The following TENM1 variants were observed in gnomAD, a reference collection of about 807,000 sequenced individuals.
TENM1 encodes teneurin-1.
Under a neutral mutation model 174.8 loss-of-function variants are expected in TENM1, and 35 were observed. That is an observed-to-expected ratio of 0.20 (90% CI 0.15 to 0.27). TENM1 has a LOEUF of 0.27. Among genes scored for constraint, TENM1 ranks in the 10% least tolerant of loss-of-function variants. The pLI is 1.00. For synonymous variants in TENM1, 781 were observed against 798.7 expected (o/e 0.98, Z 0.37); for missense variants, 1,633 against 2,130.1 (o/e 0.77, Z 4.59).
rs187686320 is a variant in TENM1, at chrX:124,933,133, T to C, written c.217+30404A>G. On this transcript the variant is annotated intron_variant, in intron 1 of 31. Coordinates refer to ENST00000422452, the Ensembl canonical transcript of TENM1. ...CAACTTTTGATTATTCATGTGGTTGTAGTAGAGAAAATTAACCTCTGCTTT... is the reference window on the plus strand; with the variant it reads ...CAACTTTTGATTATTCATGTGGTTGCAGTAGAGAAAATTAACCTCTGCTTT... 2.5e-3 allele frequency among the ~76,000 whole-genome samples: 278 copies of C among 112,253 alleles called. 2 individuals are homozygous for C. The highest frequency in any genetic ancestry group is 8.8e-3 in the African/African-American group (272 of 30,938).
At chrX:124,986,327 T>G in the TENM1 span, among the ~76,000 whole-genome samples, 1 of 111,617 alleles carries the variant, frequency 9.0e-6, no homozygotes, top group South Asian at 3.8e-4. Context: ...GCTACTTTCA[T>G]ATAACAATTA....
the TENM1 span, among the ~76,000 whole-genome samples, chrX:125,138,076 C>G: frequency 2.7e-5 from 3 of 111,005 alleles, no homozygotes; most frequent in African/African-American, 9.8e-5. Flanking sequence ...CACCCCTCCC[C>G]TATAGGTCTT....
chrX:124,499,486 G>A (rs1037294617), intron 19 of TENM1, among the ~76,000 whole-genome samples: 1 of 111,870 alleles, frequency 8.9e-6, no homozygotes. Flanking sequence ...AGGAGCAGCT[G>A]TGAGTTTATG....
At chrX:124,621,576 T>A (rs757475447) in intron 11 of TENM1, among the ~76,000 whole-genome samples, 16 of 112,468 alleles carry the variant, frequency 1.4e-4, no homozygotes, top group African/African-American at 4.2e-4. Flanking sequence ...TACTTTTATA[T>A]AATATTTTAA....
At chrX:124,514,523 C>A (rs1264147838) in intron 18 of TENM1, among the ~76,000 whole-genome samples, 1 of 110,766 alleles carries the variant, frequency 9.0e-6, no homozygotes, top group Non-Finnish European at 1.9e-5. Flanking sequence ...GGGGATGCTA[C>A]CACTGACTCC....
At chrX:124,679,351 G>T (rs1402418552) in intron 5 of TENM1, among the ~76,000 whole-genome samples, 2 of 111,682 alleles carry the variant, frequency 1.8e-5, no homozygotes, top group African/African-American at 6.5e-5. Context: ...CTACAGATCT[G>T]CTTGTATGTT....
rs113698731 is a variant in TENM1 at position 124,464,633 on chromosome X, T to C, written c.3950-11142A>G. 7.6e-4 allele frequency among the ~76,000 whole-genome samples: 85 copies of C among 111,753 alleles called. 1 individual carries two copies. The highest frequency in any genetic ancestry group is 2.7e-3 in the African/African-American group (83 of 30,766). On this transcript the variant is annotated intron_variant, in intron 22 of 31. Transcript: ENST00000422452. ...GAATACACATTTTAAACCTTTTAAG[T>C]GGAGGTTCAAGAGACGTTTGGGAGA... is the stretch of plus-strand genomic sequence containing the variant.
intron 27 of TENM1, among the ~76,000 whole-genome samples, chrX:124,398,642 A>C (rs867154578): frequency 2.8e-5 from 3 of 107,813 alleles, no homozygotes; most frequent in Admixed American, 9.9e-5. Flanking sequence ...CTTTTTTTTT[A>C]TTTTTTGGTG....
At chrX:125,058,122 C>T in the TENM1 span, among the ~76,000 whole-genome samples, 2 of 111,641 alleles carry the variant, frequency 1.8e-5, no homozygotes, top group African/African-American at 6.5e-5. Flanking sequence ...GGCTAATTTT[C>T]TTAATGTTTG....
At position 124,926,069 on chromosome X, in the gene TENM1, G is replaced by A. The variant is rs562722849; in HGVS notation, c.218-29828C>T. The stretch of plus-strand genomic sequence containing the variant: ...TTCAATTTTTAAAGTGTTAGTATCT[G>A]TGGAACATATAGGGTACATGGGATG... On this transcript the variant is annotated intron_variant, in intron 1 of 31. Coordinates refer to ENST00000422452, the Ensembl canonical transcript of TENM1. 1.9e-4 allele frequency among the ~76,000 whole-genome samples: 21 copies of A among 112,591 alleles called. No homozygotes were observed. The South Asian group carries it at 3.7e-3, about 20-fold the overall frequency.
intron 1 of TENM1, among the ~76,000 whole-genome samples, chrX:124,926,048 A>C (rs1430972393): frequency 8.9e-6 from 1 of 112,475 alleles, no homozygotes; most frequent in Non-Finnish European, 1.9e-5. Flanking sequence ...AACTAATTCA[A>C]TTTTTAAAGT....
At chrX:125,136,384 A>G in the TENM1 span, among the ~76,000 whole-genome samples, 78 of 111,912 alleles carry the variant, frequency 7.0e-4, 1 homozygote, top group East Asian at 0.018. Context: ...TTATTTTGAT[A>G]TATACTTTCA....
intron 3 of TENM1, among the ~76,000 whole-genome samples, chrX:124,855,621 G>A (rs1191299731): frequency 1.8e-5 from 2 of 111,229 alleles, no homozygotes; most frequent in Non-Finnish European, 3.8e-5. Context: ...CATTGTGTGT[G>A]GTTATTGCTT....
intron 3 of TENM1, among the ~76,000 whole-genome samples, chrX:124,794,373 T>C (rs1222426760): frequency 1.8e-5 from 2 of 111,845 alleles, no homozygotes; most frequent in Non-Finnish European, 3.8e-5. Context: ...ATTTTCACTA[T>C]GCCCTTTTGC....
chrX:125,057,387 T>C, the TENM1 span, among the ~76,000 whole-genome samples: 1 of 100,479 alleles, frequency 1.0e-5, no homozygotes, highest in East Asian at 2.9e-4. Context: ...CATTACTGTA[T>C]GTATTACTTT....
chrX:124,583,772 A>C (rs1429369227), intron 11 of TENM1, among the ~76,000 whole-genome samples: 2 of 110,785 alleles, frequency 1.8e-5, no homozygotes, highest in Non-Finnish European at 3.8e-5. Flanking sequence ...AAAGGCAAAG[A>C]AGTTGAAAAC....
At chrX:124,843,425 C>T (rs2056543344) in intron 3 of TENM1, among the ~76,000 whole-genome samples, 1 of 110,759 alleles carries the variant, frequency 9.0e-6, no homozygotes, top group Non-Finnish European at 1.9e-5. Flanking sequence ...GTGCTGCTTG[C>T]CACTCTATTC....
chrX:124,874,288 T>C (rs1450306617), intron 3 of TENM1, among the ~76,000 whole-genome samples: 1 of 111,725 alleles, frequency 9.0e-6, no homozygotes, highest in Admixed American at 9.5e-5. Context: ...ATTTTAATTA[T>C]TGCCAATATT....
intron 1 of TENM1, among the ~76,000 whole-genome samples, chrX:124,959,455 T>C (rs952615267): frequency 4.5e-5 from 5 of 111,444 alleles, no homozygotes; most frequent in Admixed American, 9.6e-5. Flanking sequence ...TCATGGATGA[T>C]AGATTCAGGT....
Sources: allele counts gnomAD v4.1 joint callset (sites outside exome capture counted in the v4.1 genomes callset), GRCh38; gene constraint gnomAD v4.1.1; transcripts MANE v1.5; gene names NCBI Gene and HGNC (gene_info 2026-07-23, HGNC 2026-07-21).